Variants in HDAC4 observed in about 807,000 individuals in gnomAD.
HDAC4 encodes the protein histone deacetylase A.
Under a neutral mutation model 135.1 loss-of-function variants are expected in HDAC4, and 16 were observed. That is an observed-to-expected ratio of 0.12 (90% confidence interval 0.08 to 0.18). The LOEUF (loss-of-function observed/expected upper bound fraction) is 0.18, where lower values mean the gene tolerates loss of function less well. Among genes scored for constraint, HDAC4 ranks in the 10% least tolerant of loss-of-function variants. The probability of loss-of-function intolerance (pLI) is 1.00; values close to 1 mark genes in which losing one functional copy is unlikely to be tolerated. For missense variants in HDAC4, 1,143 were observed against 1,511.8 expected (o/e 0.76, Z 4.05); for synonymous variants, 685 against 653.4 (o/e 1.05, Z -0.74).
At chr2:239,314,148 G>C (rs144490420) in intron 2 of HDAC4, among the ~76,000 whole-genome samples, 124 of 152,236 alleles carry the variant, frequency 8.1e-4, no homozygotes, top group African/African-American at 2.8e-3. Flanking sequence ...GCATGTCCCA[G>C]GTGGCACCTC....
Position 239,250,345 on chromosome 2 carries a change from GCTC to G in HDAC4, c.23-13684_23-13682del, listed in dbSNP as rs573932429. 2.0e-5 allele frequency among the ~76,000 whole-genome samples: 3 copies of G among 152,342 alleles called. No homozygotes were observed. The East Asian group carries it at 5.8e-4, about 29-fold the overall frequency. ...TACCCGGTCTCTAACCCTGCAGGTGGCTCCCCAGAGATCCCGGGGCCACCTGGC... is the reference window on the plus strand; with the variant it reads ...TACCCGGTCTCTAACCCTGCAGGTGGCCCAGAGATCCCGGGGCCACCTGGC... On this transcript the variant is annotated intron_variant, in intron 2 of 26. Coordinates refer to ENST00000543185, the MANE Select transcript of HDAC4 (RefSeq NM_001378414.1).
At chr2:239,316,946 A>G (rs2053136629) in intron 2 of HDAC4, among the ~76,000 whole-genome samples, 1 of 152,200 alleles carries the variant, frequency 6.6e-6, no homozygotes, top group South Asian at 2.1e-4. Context: ...ACAGGGGGAA[A>G]AATTCTAAAC....
At chr2:239,360,747 C>T (rs1445790229) in intron 1 of HDAC4, among the ~76,000 whole-genome samples, 11 of 152,214 alleles carry the variant, frequency 7.2e-5, no homozygotes, top group Admixed American at 7.2e-4. Flanking sequence ...CGGGGACACC[C>T]GAGCTCCACC....
chr2:239,379,049 G>A (rs538185814), intron 1 of HDAC4, among the ~76,000 whole-genome samples: 92 of 152,332 alleles, frequency 6.0e-4, no homozygotes, highest in Admixed American at 1.4e-3. Context: ...TAAAGAGGAA[G>A]TGCCCTAGGG....
intron 2 of HDAC4, among the ~76,000 whole-genome samples, chr2:239,312,970 C>T (rs11124192): frequency 0.24 from 36,011 of 152,152 alleles, 4,624 homozygotes; most frequent in African/African-American, 0.31. Context: ...TCAGGCCCCA[C>T]GCTCCTCTCA....
chr2:239,256,255 G>T (rs1266233293), intron 2 of HDAC4, among the ~76,000 whole-genome samples: 2 of 152,224 alleles, frequency 1.3e-5, no homozygotes, highest in Admixed American at 6.5e-5. Flanking sequence ...CTCTTTTAAG[G>T]CAGGAGAGAA....
At chr2:239,284,282 T>A (rs1243248049) in intron 2 of HDAC4, among the ~76,000 whole-genome samples, 4 of 152,096 alleles carry the variant, frequency 2.6e-5, no homozygotes, top group Non-Finnish European at 4.4e-5. Context: ...GCGCTTCTGA[T>A]GAATGTGGTT....
At chr2:239,131,472 C>G (rs1478957612) in intron 11 of HDAC4, among the ~76,000 whole-genome samples, 4 of 152,212 alleles carry the variant, frequency 2.6e-5, no homozygotes, top group Admixed American at 2.6e-4. Context: ...AACGAAGATG[C>G]AGTGTGATCC....
intron 14 of HDAC4, among the ~76,000 whole-genome samples, chr2:239,110,957 T>G (rs1403701031): frequency 2.0e-5 from 3 of 152,126 alleles, no homozygotes; most frequent in African/African-American, 7.2e-5. Context: ...CTCCTTCTTG[T>G]GAGGGAAAAC....
chr2:239,280,757 C>T (rs1209489285), intron 2 of HDAC4, among the ~76,000 whole-genome samples: 1 of 152,060 alleles, frequency 6.6e-6, no homozygotes, highest in African/African-American at 2.4e-5. Context: ...ACCATGTACA[C>T]CACTCCACAA....
chr2:239,097,072 G>A (rs747300770), intron 16 of HDAC4, among the ~76,000 whole-genome samples: 99 of 152,226 alleles, frequency 6.5e-4, no homozygotes, highest in Non-Finnish European at 9.3e-4. Flanking sequence ...GCCAGCTGAG[G>A]GGCGCAGGCG....
At chr2:239,143,565 C>A (rs1366199506) in intron 8 of HDAC4, among the ~76,000 whole-genome samples, 2 of 152,170 alleles carry the variant, frequency 1.3e-5, no homozygotes, top group East Asian at 3.9e-4. Context: ...TAATAGAAAT[C>A]CACAAATATT....
intron 15 of HDAC4, among the ~76,000 whole-genome samples, chr2:239,107,385 G>T (rs187790059): frequency 4.6e-5 from 7 of 152,348 alleles, no homozygotes; most frequent in African/African-American, 1.7e-4. Flanking sequence ...TCGCCTGGCG[G>T]CCAGGGAAAC....
At chr2:239,073,338 G>A (rs1228777730) in intron 22 of HDAC4, among the ~76,000 whole-genome samples, 1 of 152,234 alleles carries the variant, frequency 6.6e-6, no homozygotes, top group African/African-American at 2.4e-5. Flanking sequence ...GTTAGGGGCT[G>A]AGGAAACAAG....
chr2:239,113,334 A>G (rs2038847300), intron 13 of HDAC4, among the ~76,000 whole-genome samples: 1 of 152,088 alleles, frequency 6.6e-6, no homozygotes, highest in Non-Finnish European at 1.5e-5. Flanking sequence ...CTGCAGCAGG[A>G]GCTGGAGCAG....
chr2:239,242,632 CTTCTTT>C (rs1017833147), intron 2 of HDAC4, among the ~76,000 whole-genome samples: 1 of 152,168 alleles, frequency 6.6e-6, no homozygotes, highest in Non-Finnish European at 1.5e-5. Context: ...ACCTTTTCTT[CTTCTTT>C]ATTCTGCTGG....
rs755649181 is a variant in HDAC4 at position 239,139,637 on chromosome 2, G to A, written c.978+47C>T. 7.2e-6 allele frequency: 11 copies of A among 1,528,282 alleles called. No homozygotes were observed. The Admixed American group carries it at 8.3e-5, about 12-fold the overall frequency. The allele number at this position is 1,528,282 out of a possible 1,614,324, so 94.7% of individuals were successfully genotyped here. The stretch of plus-strand genomic sequence containing the variant: ...GGGTCATTTCAAGCTCATCCGTCCC[G>A]AGTCCGACTCTAGCCGTAGGACACA... On this transcript the variant is annotated intron_variant, in intron 9 of 26. Transcript: ENST00000543185. The surrounding 1 kb of genome is among the most constrained non-coding windows in gnomAD (Gnocchi z 5.3).
At chr2:239,256,401 A>C (rs1419237772) in intron 2 of HDAC4, among the ~76,000 whole-genome samples, 2 of 152,254 alleles carry the variant, frequency 1.3e-5, no homozygotes, top group African/African-American at 4.8e-5. Flanking sequence ...CAGGGGAAAG[A>C]GATTCAGAAC....
At chr2:239,233,538 A>G (rs1215595751) in intron 3 of HDAC4, among the ~76,000 whole-genome samples, 4 of 152,282 alleles carry the variant, frequency 2.6e-5, no homozygotes, top group African/African-American at 9.6e-5. Flanking sequence ...ACCTGTATAG[A>G]CTTTCCCAAA....
Sources: allele counts gnomAD v4.1 joint callset (sites outside exome capture counted in the v4.1 genomes callset), GRCh38; gene constraint gnomAD v4.1.1; non-coding constraint Gnocchi (gnomAD v3.1); transcripts MANE v1.5; gene names NCBI Gene and HGNC (gene_info 2026-07-23, HGNC 2026-07-21).